The following L3MBTL4 variants were observed in gnomAD, a reference collection of about 807,000 sequenced individuals.
The protein encoded by L3MBTL4 is L3MBTL histone methyl-lysine binding protein 4.
A neutral mutation model predicts 84.5 loss-of-function variants in L3MBTL4; 70 were observed. The observed-to-expected ratio is 0.83, with a 90% CI of 0.68 to 1.01. L3MBTL4 has a LOEUF of 1.01. Ranked by LOEUF, L3MBTL4 falls within the 50% of genes least tolerant of loss-of-function variation. The pLI is 0.00. For synonymous variants in L3MBTL4, 274 were observed against 259.8 expected (o/e 1.05, Z -0.52); for missense variants, 715 against 754.8 (o/e 0.95, Z 0.62).
rs921857868 is a variant in L3MBTL4, at chr18:6,080,967, A to C, written c.1374-16T>G. On this transcript the variant is annotated splice_polypyrimidine_tract_variant and intron_variant, in intron 15 of 18. Transcript: ENST00000317931. ...CTGTACAAGTCTGGGCAAAGAACAG[A>C]AATAAAATCTAGATTCATTATCCTG... 6.3e-7 allele frequency: 1 copy of C among 1,579,584 alleles called. No homozygotes were observed. The highest frequency in any genetic ancestry group is 8.6e-7 in the Non-Finnish European group (1 of 1,157,158).
chr18:6,197,952 G>T (rs2045480746), intron 12 of L3MBTL4, among the ~76,000 whole-genome samples: 1 of 152,170 alleles, frequency 6.6e-6, no homozygotes, highest in African/African-American at 2.4e-5. Context: ...ACTGGGGCTG[G>T]GGTGGCGCAC....
intron 12 of L3MBTL4, among the ~76,000 whole-genome samples, chr18:6,191,073 G>C (rs190037397): frequency 2.0e-5 from 3 of 152,308 alleles, no homozygotes; most frequent in East Asian, 1.9e-4. Context: ...GACAGGAAGA[G>C]AGACTAGAGG....
chr18:6,368,501 A>T (rs1223323715), intron 1 of L3MBTL4, among the ~76,000 whole-genome samples: 1 of 152,134 alleles, frequency 6.6e-6, no homozygotes, highest in Non-Finnish European at 1.5e-5. Context: ...GGTCCCTGCT[A>T]AGCACTTTCC....
rs767710721 is a variant in L3MBTL4, at chr18:5,969,538, T to C, written c.1469A>G (p.Gln490Arg). Reference sequence around the variant, plus strand: ...CATGGACACTGACTGGTGAAGCACCTGCTGCGCCTGCTCCACCGAGTATTC... The same window carrying C: ...CATGGACACTGACTGGTGAAGCACCCGCTGCGCCTGCTCCACCGAGTATTC... ...FREYSVEQAQ[Q>R]VLHQSVSMST... is the part of the protein sequence containing the mutation. Residue 490 changes from glutamine to arginine, a missense_variant, in exon 17 of 19, where the codon CAG (glutamine) becomes CGG (arginine). Physicochemically the swap from Gln to Arg is conservative, Grantham distance 43. Transcript: ENST00000317931. The C allele has an allele frequency of 1.2e-5, 19 of 1,609,472 alleles. No individual in the cohort carries two copies. The East Asian group carries it at 3.6e-4, about 30-fold the overall frequency.
At chr18:5,975,508 GC>G in intron 16 of L3MBTL4, among the ~76,000 whole-genome samples, 1 of 152,318 alleles carries the variant, frequency 6.6e-6, no homozygotes, top group Non-Finnish European at 1.5e-5. Flanking sequence ...TGCTGGAGAA[GC>G]AAGGAAATGT....
At chr18:6,238,819 A>G (rs2047328199) in intron 9 of L3MBTL4, among the ~76,000 whole-genome samples, 1 of 151,150 alleles carries the variant, frequency 6.6e-6, no homozygotes, top group Non-Finnish European at 1.5e-5. Context: ...CACATAAAGA[A>G]CCACTGCCTC....
In L3MBTL4 at chr18:6,243,379, A is replaced by T; in HGVS notation, c.375T>A (p.Tyr125Ter). 6.2e-7 allele frequency: 1 copy of T among 1,608,032 alleles called. No homozygotes were observed. The highest frequency in any genetic ancestry group is 8.5e-7 in the Non-Finnish European group (1 of 1,177,356). Residue 125 changes from tyrosine to a stop codon, truncating the protein, a stop_gained, in exon 7 of 19, where the codon TAT becomes TAA. Coordinates refer to ENST00000317931, the MANE Select transcript of L3MBTL4 (RefSeq NM_001330559.2). LOFTEE classifies it high-confidence loss of function. The part of the protein sequence containing the change: ...RLHFDGYLSC[Y>*]DFWTNAGSPD... ...GGGAACCAGCATTGGTCCAAAAATCATAGCAACTTAAATAACCATCAAAAT... is the reference window on the plus strand; with the variant it reads ...GGGAACCAGCATTGGTCCAAAAATCTTAGCAACTTAAATAACCATCAAAAT...
chr18:5,989,290 G>T (rs2053586941), intron 16 of L3MBTL4, among the ~76,000 whole-genome samples: 1 of 152,098 alleles, frequency 6.6e-6, no homozygotes, highest in South Asian at 2.1e-4. Context: ...GACCAAACAT[G>T]GCCTACAAAA....
chr18:6,357,722 T>C (rs899420073), intron 1 of L3MBTL4, among the ~76,000 whole-genome samples: 1 of 152,174 alleles, frequency 6.6e-6, no homozygotes, highest in Admixed American at 6.5e-5. Flanking sequence ...CATATGCATA[T>C]ACGACAGAGA....
intron 4 of L3MBTL4, among the ~76,000 whole-genome samples, 154 bp from the exon 5 acceptor site, chr18:6,264,192 T>A (rs996747316): frequency 2.6e-5 from 4 of 151,474 alleles, no homozygotes; most frequent in South Asian, 4.2e-4. Context: ...TCAATTCATA[T>A]GAACATTTAG....
intron 5 of L3MBTL4, among the ~76,000 whole-genome samples, chr18:6,245,221 T>C (rs1226140963): frequency 6.6e-6 from 1 of 152,174 alleles, no homozygotes; most frequent in East Asian, 1.9e-4. Flanking sequence ...AAGAATTCAC[T>C]GTATAGTTTA....
At chr18:6,366,805 A>G (rs1242724567) in intron 1 of L3MBTL4, among the ~76,000 whole-genome samples, 1 of 152,216 alleles carries the variant, frequency 6.6e-6, no homozygotes, top group Admixed American at 6.5e-5. Context: ...TTCTCTCATC[A>G]TTTGCCTGCC....
At chr18:6,246,646 G>T (rs1474036066) in intron 5 of L3MBTL4, among the ~76,000 whole-genome samples, 1 of 152,178 alleles carries the variant, frequency 6.6e-6, no homozygotes, top group Non-Finnish European at 1.5e-5. Flanking sequence ...GCTCATGCCT[G>T]TAATCCCAGC....
At chr18:6,083,056 G>A (rs1237945709) in intron 15 of L3MBTL4, among the ~76,000 whole-genome samples, 1 of 152,108 alleles carries the variant, frequency 6.6e-6, no homozygotes, top group Non-Finnish European at 1.5e-5. Context: ...GCACAAAGTG[G>A]GTCGATAATG....
intron 4 of L3MBTL4, among the ~76,000 whole-genome samples, chr18:6,283,585 G>T (rs1322682504): frequency 1.3e-5 from 2 of 151,100 alleles, no homozygotes; most frequent in Non-Finnish European, 3.0e-5. Flanking sequence ...ACCAAAAAGA[G>T]CCTCAAAGTT....
intron 1 of L3MBTL4, among the ~76,000 whole-genome samples, chr18:6,402,602 C>A (rs541449510): frequency 1.3e-5 from 2 of 152,190 alleles, no homozygotes; most frequent in East Asian, 3.9e-4. Flanking sequence ...TGGTGCCATA[C>A]AGAACAAGGT....
intron 14 of L3MBTL4, among the ~76,000 whole-genome samples, chr18:6,103,966 G>C (rs1265346252): frequency 6.6e-6 from 1 of 152,150 alleles, no homozygotes; most frequent in Non-Finnish European, 1.5e-5. Flanking sequence ...AGGTCCTGCT[G>C]CCCTCCCCAC....
At chr18:6,066,777 T>C (rs1471864557) in intron 16 of L3MBTL4, among the ~76,000 whole-genome samples, 2 of 152,108 alleles carry the variant, frequency 1.3e-5, no homozygotes, top group East Asian at 3.9e-4. Flanking sequence ...CTCTTGAACA[T>C]AGCAGATATT....
chr18:6,203,617 T>C (rs768559647), intron 12 of L3MBTL4, among the ~76,000 whole-genome samples: 12 of 152,092 alleles, frequency 7.9e-5, no homozygotes, highest in African/African-American at 2.7e-4. Context: ...GAGAAAGGTA[T>C]TACAAACCAG....
Sources: allele counts gnomAD v4.1 joint callset (sites outside exome capture counted in the v4.1 genomes callset), GRCh38; gene constraint gnomAD v4.1.1; transcripts MANE v1.5; gene names NCBI Gene and HGNC (gene_info 2026-07-23, HGNC 2026-07-21).